PLA2G4A: variants seen among roughly 807,000 people sequenced by gnomAD.
PLA2G4A encodes phospholipase A2 group IVA.
Under a neutral mutation model 81.9 loss-of-function variants are expected in PLA2G4A, and 40 were observed. The observed-to-expected ratio is 0.49, with a 90% CI of 0.38 to 0.64. The LOEUF (loss-of-function observed/expected upper bound fraction) is 0.64. PLA2G4A is among the 30% of genes least tolerant of loss of function. The probability of loss-of-function intolerance (pLI) is 0.00; values close to 1 mark genes in which losing one functional copy is unlikely to be tolerated. For synonymous variants in PLA2G4A, 302 were observed against 296.9 expected (o/e 1.02, Z -0.18); for missense variants, 715 against 905.1 (o/e 0.79, Z 2.69).
At chr1:186,962,493 TA>T (rs1167433373) in intron 14 of PLA2G4A, among the ~76,000 whole-genome samples, 2 of 103,766 alleles carry the variant, frequency 1.9e-5, no homozygotes, top group Non-Finnish European at 3.3e-5. Flanking sequence ...TTATTTTATT[TA>T]TTTATTTATT....
intron 12 of PLA2G4A, among the ~76,000 whole-genome samples, chr1:186,947,940 A>G (rs1157058948): frequency 6.6e-6 from 1 of 152,186 alleles, no homozygotes; most frequent in Admixed American, 6.6e-5. Flanking sequence ...GGAATTTTAA[A>G]CAAGCTGTCC....
At chr1:186,846,191 A>G (rs1322218413) in intron 1 of PLA2G4A, among the ~76,000 whole-genome samples, 1 of 152,212 alleles carries the variant, frequency 6.6e-6, no homozygotes, top group Non-Finnish European at 1.5e-5. Flanking sequence ...CAGAAACCTA[A>G]AATATCTGCT....
intron 14 of PLA2G4A, among the ~76,000 whole-genome samples, chr1:186,960,858 G>A (rs191616460): frequency 1.3e-5 from 2 of 152,288 alleles, no homozygotes; most frequent in African/African-American, 2.4e-5. Context: ...AATAGGGAAT[G>A]CGCAATGTAA....
chr1:186,857,438 TATATA>T (rs1040269593), intron 2 of PLA2G4A, among the ~76,000 whole-genome samples: 7 of 130,260 alleles, frequency 5.4e-5, no homozygotes, highest in East Asian at 4.1e-4. Context: ...ACTATATAAA[TATATA>T]ATATAATATA....
intron 12 of PLA2G4A, among the ~76,000 whole-genome samples, chr1:186,947,939 A>T (rs1344872694): frequency 2.0e-5 from 3 of 152,182 alleles, no homozygotes; most frequent in African/African-American, 7.2e-5. Context: ...AGGAATTTTA[A>T]ACAAGCTGTC....
intron 2 of PLA2G4A, among the ~76,000 whole-genome samples, chr1:186,863,049 A>C (rs1652874331): frequency 6.6e-6 from 1 of 152,218 alleles, no homozygotes; most frequent in Non-Finnish European, 1.5e-5. Context: ...CAATGTTTTA[A>C]GGATATTATA....
At chr1:186,941,524 C>T (rs1656154921) in intron 10 of PLA2G4A, among the ~76,000 whole-genome samples, 1 of 152,110 alleles carries the variant, frequency 6.6e-6, no homozygotes, top group Non-Finnish European at 1.5e-5. Context: ...ATTTTTAGCT[C>T]TGTTCAACAG....
chr1:186,862,223 C>CTTTTGTTTTTTTTT, intron 2 of PLA2G4A, among the ~76,000 whole-genome samples: 1 of 126,308 alleles, frequency 7.9e-6, no homozygotes, highest in Non-Finnish European at 1.6e-5. Context: ...TAGTTATGAA[C>CTTTTGTTTTTTTTT]TTTTTTTTTG....
chr1:186,928,976 T>C (rs192656625), intron 7 of PLA2G4A, among the ~76,000 whole-genome samples: 75 of 152,340 alleles, frequency 4.9e-4, no homozygotes, highest in Middle Eastern at 3.4e-3. Context: ...AGCTGAACCT[T>C]ATAACTTTCG....
chr1:186,919,536 AGG>A (rs1386662335), intron 7 of PLA2G4A, among the ~76,000 whole-genome samples: 2 of 152,254 alleles, frequency 1.3e-5, no homozygotes, highest in East Asian at 3.9e-4. Flanking sequence ...GATGCAGCCT[AGG>A]TCTTTGGCAG....
At chr1:186,948,674 A>G (rs1339651083) in intron 12 of PLA2G4A, among the ~76,000 whole-genome samples, 1 of 152,150 alleles carries the variant, frequency 6.6e-6, no homozygotes, top group Admixed American at 6.6e-5. Context: ...TGTGGGTGAG[A>G]CAGTGGCTAA....
chr1:186,912,824 CTAATA>C (rs1222458975), intron 7 of PLA2G4A, among the ~76,000 whole-genome samples: 3 of 137,118 alleles, frequency 2.2e-5, no homozygotes, highest in South Asian at 2.2e-4. Context: ...ATATATGTAT[CTAATA>C]TAAGTGTATG....
In PLA2G4A at chr1:186,946,720, T is replaced by G. The variant is rs1656358732; in HGVS notation, c.1117T>G (p.Phe373Val). ...TCCCGACTTATTTGGAAGCAAATTT[T>G]TTATGGGAACAGTCGTTAAGAAGTA... is the stretch of plus-strand genomic sequence containing the variant. ...MAPDLFGSKF[F>V]MGTVVKKYEE... The change falls in exon 11 of 18, where the codon TTT becomes GTT. Residue 373 changes from phenylalanine to valine, a missense_variant. Physicochemically the swap from Phe to Val is conservative, Grantham distance 50. Transcript: ENST00000367466. The G allele has an allele frequency of 6.2e-7, 1 of 1,612,428 alleles. No homozygotes were observed. Among genetic ancestry groups the G allele is most frequent in the African/African-American group, 1.3e-5 (1 of 74,866 alleles).
At chr1:186,857,416 T>C (rs1652624699) in intron 2 of PLA2G4A, among the ~76,000 whole-genome samples, 1 of 129,566 alleles carries the variant, frequency 7.7e-6, no homozygotes, top group Admixed American at 9.6e-5. Context: ...TATTATATAA[T>C]GTATAATATA....
intron 1 of PLA2G4A, among the ~76,000 whole-genome samples, chr1:186,848,193 C>A (rs1012998381): frequency 6.6e-6 from 1 of 152,070 alleles, no homozygotes; most frequent in African/African-American, 2.4e-5. Flanking sequence ...AACAGAGAAT[C>A]TCAGAAGAAT....
At chr1:186,902,848 T>C (rs1334797037) in intron 5 of PLA2G4A, among the ~76,000 whole-genome samples, 1 of 143,874 alleles carries the variant, frequency 7.0e-6, no homozygotes, top group Non-Finnish European at 1.5e-5. Context: ...TCAGTCCGCC[T>C]ACACCCTAGT....
intron 13 of PLA2G4A, among the ~76,000 whole-genome samples, chr1:186,953,534 G>C (rs1428537066): frequency 2.6e-5 from 4 of 152,032 alleles, no homozygotes; most frequent in African/African-American, 9.7e-5. Context: ...ATTCTCTTGA[G>C]GCTCTTTCAT....
At chr1:186,974,410 G>A (rs1281534033) in intron 15 of PLA2G4A, among the ~76,000 whole-genome samples, 1 of 152,052 alleles carries the variant, frequency 6.6e-6, no homozygotes, top group South Asian at 2.1e-4. Flanking sequence ...CAGGAGAATC[G>A]ATTGAACCTG....
chr1:186,844,552 T>C (rs1258181533), intron 1 of PLA2G4A, among the ~76,000 whole-genome samples: 1 of 152,148 alleles, frequency 6.6e-6, no homozygotes, highest in Non-Finnish European at 1.5e-5. Flanking sequence ...AAAATCAGTG[T>C]TTCTATTAAA....
Sources: allele counts gnomAD v4.1 joint callset (sites outside exome capture counted in the v4.1 genomes callset), GRCh38; gene constraint gnomAD v4.1.1; transcripts MANE v1.5; gene names NCBI Gene and HGNC (gene_info 2026-07-23, HGNC 2026-07-21).